The following ABCB4 variants were observed in gnomAD, a reference collection of about 807,000 sequenced individuals.
ABCB4 encodes phosphatidylcholine translocator ABCB4.
ABCB4 carries 76 observed loss-of-function variants against 145.7 expected under a neutral mutation model. The observed-to-expected ratio is 0.52, with a 90% CI of 0.43 to 0.63. ABCB4 has a LOEUF of 0.63. ABCB4 is among the 30% of genes least tolerant of loss of function. The pLI is 0.00. For missense variants in ABCB4, 1,234 were observed against 1,553.1 expected, an observed-to-expected ratio of 0.79 and a Z score of 3.45; for synonymous variants, 517 against 566.8, an observed-to-expected ratio of 0.91 and a Z score of 1.25.
At chr7:87,414,745 A>G (rs1473086409) in intron 21 of ABCB4, among the ~76,000 whole-genome samples, 2 of 152,168 alleles carry the variant, frequency 1.3e-5, no homozygotes, top group African/African-American at 4.8e-5. Context: ...TTGAGACTGA[A>G]TAACCATAGA....
At chr7:87,411,693 T>C (rs905385455) in intron 23 of ABCB4, among the ~76,000 whole-genome samples, 200 bp downstream of exon 23, 3 of 152,184 alleles carry the variant, frequency 2.0e-5, no homozygotes, top group Non-Finnish European at 2.9e-5. Flanking sequence ...ATAAGCTTAA[T>C]TGTAGCCCGC....
At chr7:87,437,236 C>T (rs528835503) in intron 14 of ABCB4, among the ~76,000 whole-genome samples, 10 of 152,312 alleles carry the variant, frequency 6.6e-5, no homozygotes, top group African/African-American at 2.4e-4. Context: ...TTAGTCTTTG[C>T]TCTCTGGGTA....
At chr7:87,377,145 A>G in the ABCB4 span, among the ~76,000 whole-genome samples, 1 of 152,102 alleles carries the variant, frequency 6.6e-6, no homozygotes, top group East Asian at 1.9e-4. Flanking sequence ...TGAGATTTTG[A>G]GAAGCCCCTA....
chr7:87,408,752 T>C (rs1440804235), intron 24 of ABCB4, among the ~76,000 whole-genome samples: 2 of 152,214 alleles, frequency 1.3e-5, no homozygotes, highest in Non-Finnish European at 2.9e-5. Context: ...ACACAGCTGC[T>C]TGTATATTAC....
At chr7:87,397,364 G>A (rs1405811988), downstream of ABCB4, among the ~76,000 whole-genome samples, 3 of 137,960 alleles carry the variant, frequency 2.2e-5, no homozygotes, top group African/African-American at 2.7e-5. Context: ...AAAAAAAAAA[G>A]TATTTACTCA....
the ABCB4 span, among the ~76,000 whole-genome samples, chr7:87,366,331 G>A: frequency 4.7e-5 from 7 of 150,020 alleles, no homozygotes; most frequent in South Asian, 4.2e-4. Context: ...TTTTCCCTTC[G>A]TCCTTAACAA....
At chr7:87,432,145 C>T (rs1810282981) in intron 14 of ABCB4, among the ~76,000 whole-genome samples, 1 of 152,174 alleles carries the variant, frequency 6.6e-6, no homozygotes, top group Non-Finnish European at 1.5e-5. Flanking sequence ...AACAAGTGCC[C>T]TAGGTGATTT....
At chr7:87,438,452 TAAGTC>T (rs1228221720) in intron 14 of ABCB4, among the ~76,000 whole-genome samples, 1 of 152,142 alleles carries the variant, frequency 6.6e-6, no homozygotes, top group Non-Finnish European at 1.5e-5. Context: ...TTATATAAAA[TAAGTC>T]AAGATATTGG....
At chr7:87,366,728 T>C in the ABCB4 span, among the ~76,000 whole-genome samples, 8 of 152,228 alleles carry the variant, frequency 5.3e-5, no homozygotes, top group Non-Finnish European at 8.8e-5. Flanking sequence ...AAATCTTTGC[T>C]ACCTCTCCCC....
intron 27 of ABCB4, 108 bp downstream of exon 27, chr7:87,403,027 G>T: frequency 2.5e-6 from 3 of 1,224,198 alleles, no homozygotes; most frequent in Non-Finnish European, 3.6e-6. Flanking sequence ...ACTATCTAAC[G>T]TTCTGTGTTT....
At chr7:87,452,837 A>G in intron 6 of ABCB4, 107 bp downstream of exon 6, 1 of 1,257,256 alleles carries the variant, frequency 8.0e-7, no homozygotes, top group Non-Finnish European at 1.1e-6. Context: ...TCTAATATAG[A>G]TCAGATGCTC....
chr7:87,388,435 C>A, the ABCB4 span, among the ~76,000 whole-genome samples: 14 of 151,996 alleles, frequency 9.2e-5, no homozygotes, highest in Non-Finnish European at 2.1e-4. Flanking sequence ...GATATATAGA[C>A]CAATGGAACA....
chr7:87,460,690 G>A (rs114895034), intron 4 of ABCB4, among the ~76,000 whole-genome samples: 1,733 of 151,360 alleles, frequency 0.011, 35 homozygotes, highest in African/African-American at 0.04. Context: ...TTGCACTGTC[G>A]CCCAGGCTGG....
chr7:87,375,778 T>G, the ABCB4 span: 1 of 1,611,846 alleles, frequency 6.2e-7, no homozygotes, highest in African/African-American at 1.3e-5. Context: ...ACTCTTTTGA[T>G]GTATTGTATT....
At chr7:87,373,917 C>G in the ABCB4 span, among the ~76,000 whole-genome samples, 1 of 152,036 alleles carries the variant, frequency 6.6e-6, no homozygotes, top group Non-Finnish European at 1.5e-5. Flanking sequence ...ATAATTTTAA[C>G]ATTCATACCT....
chr7:87,475,396 CCAGTT>C lies in ABCB4; in HGVS notation c.65_69del (p.Glu22GlyfsTer31). The C allele has an allele frequency of 6.2e-7, 1 of 1,614,228 alleles. No homozygotes were observed. Among genetic ancestry groups the C allele is most frequent in the Non-Finnish European group, 8.5e-7 (1 of 1,180,034 alleles). ...CTGCTGGGGATGTACCTGCTGATGC[CCAGTT>C]CAAAGTCGCCCTCCGCGCTCGTGGG... is the stretch of plus-strand genomic sequence containing the variant. On this transcript the variant is annotated frameshift_variant, in exon 2 of 28. Transcript: ENST00000649586. LOFTEE classifies it high-confidence loss of function.
At chr7:87,389,628 G>C in the ABCB4 span, among the ~76,000 whole-genome samples, 1 of 151,794 alleles carries the variant, frequency 6.6e-6, no homozygotes, top group Non-Finnish European at 1.5e-5. Context: ...GTCATGGGGT[G>C]GGGGGCTAGG....
intron 21 of ABCB4, among the ~76,000 whole-genome samples, chr7:87,415,395 GT>G (rs1316793331): frequency 6.6e-6 from 1 of 152,176 alleles, no homozygotes; most frequent in Non-Finnish European, 1.5e-5. Context: ...TCTTAAGCAA[GT>G]GCTGACTGAG....
At chr7:87,474,990 C>G (rs1317330570) in intron 2 of ABCB4, among the ~76,000 whole-genome samples, 2 of 152,144 alleles carry the variant, frequency 1.3e-5, no homozygotes, top group Non-Finnish European at 2.9e-5. Context: ...GTTCAAAAAG[C>G]ACAGCCATCA....
Sources: allele counts gnomAD v4.1 joint callset (sites outside exome capture counted in the v4.1 genomes callset), GRCh38; gene constraint gnomAD v4.1.1; transcripts MANE v1.5; gene names NCBI Gene and HGNC (gene_info 2026-07-23, HGNC 2026-07-21).